The following THADA variants were observed in gnomAD, a reference collection of about 807,000 sequenced individuals.
THADA encodes THADA armadillo repeat containing, also known as tRNA (32-2'-O)-methyltransferase regulator THADA.
A neutral mutation model predicts 219.8 loss-of-function variants in THADA; 213 were observed. That is an observed-to-expected ratio of 0.97 (90% CI 0.87 to 1.09). THADA has a LOEUF of 1.09. THADA is among the 50% of genes least tolerant of loss of function. The pLI is 0.00. For missense variants in THADA, 2,956 were observed against 2,311.3 expected, an observed-to-expected ratio of 1.28 and a Z score of -5.72; for synonymous variants, 1,018 against 828.9, an observed-to-expected ratio of 1.23 and a Z score of -3.92.
At chr2:43,501,306 CCAA>C (rs1688931853) in intron 24 of THADA, among the ~76,000 whole-genome samples, 2 of 12,280 alleles carry the variant, frequency 1.6e-4, no homozygotes, top group African/African-American at 5.4e-4. Context: ...AACTCCAACT[CCAA>C]AAAAAAAAAA....
At chr2:43,557,481 C>T (rs1697515717) in intron 16 of THADA, among the ~76,000 whole-genome samples, 1 of 152,146 alleles carries the variant, frequency 6.6e-6, no homozygotes, top group Non-Finnish European at 1.5e-5. Context: ...GAGGCTGTAC[C>T]TGGTGAAACT....
intron 17 of THADA, among the ~76,000 whole-genome samples, chr2:43,555,208 T>C (rs1418739942): frequency 2.0e-5 from 3 of 151,326 alleles, no homozygotes; most frequent in African/African-American, 7.3e-5. Context: ...CTGAATAATA[T>C]ATAATAATAT....
intron 31 of THADA, among the ~76,000 whole-genome samples, chr2:43,306,508 T>A (rs2104422764): frequency 6.6e-6 from 1 of 152,286 alleles, no homozygotes; most frequent in East Asian, 1.9e-4. Context: ...ATAATGGGCT[T>A]ACCTCTGTTG....
At chr2:43,389,680 G>A (rs542741241) in intron 29 of THADA, among the ~76,000 whole-genome samples, 1 of 152,090 alleles carries the variant, frequency 6.6e-6, no homozygotes, top group Non-Finnish European at 1.5e-5. Context: ...TTTACTCACT[G>A]CCTCCTGCAA....
At chr2:43,239,819 T>A (rs1668432913) in intron 36 of THADA, among the ~76,000 whole-genome samples, 1 of 152,106 alleles carries the variant, frequency 6.6e-6, no homozygotes, top group African/African-American at 2.4e-5. Context: ...GGCCAAGGTG[T>A]TGGGTGGCCC....
chr2:43,401,870 C>T (rs1217448806), intron 28 of THADA, among the ~76,000 whole-genome samples: 1 of 151,974 alleles, frequency 6.6e-6, no homozygotes, highest in African/African-American at 2.4e-5. Context: ...AAAATATCTC[C>T]TAGCTAACAA....
chr2:43,554,857 G>C (rs751007530), intron 17 of THADA, among the ~76,000 whole-genome samples: 18 of 152,116 alleles, frequency 1.2e-4, no homozygotes, highest in Non-Finnish European at 2.4e-4. Flanking sequence ...TGAAATGCTT[G>C]GGACCATAAG....
intron 16 of THADA, among the ~76,000 whole-genome samples, chr2:43,558,421 TGTTCCTGTGTGTGTCTGTGAGG>T (rs1366852556): frequency 7.2e-5 from 11 of 152,188 alleles, no homozygotes; most frequent in Middle Eastern, 3.2e-3. Context: ...TGCAAAGTAT[TGTTCCTGTGTGTGTCTGTGAGG>T]GTGTTGCCAA....
At chr2:43,540,671 TG>T (rs771121349) in intron 21 of THADA, among the ~76,000 whole-genome samples, 40 of 152,190 alleles carry the variant, frequency 2.6e-4, no homozygotes, top group Non-Finnish European at 4.3e-4. Flanking sequence ...TCAAGTCACT[TG>T]AACAGTCCCA....
chr2:43,531,536 G>C (rs1283672419), intron 21 of THADA, among the ~76,000 whole-genome samples: 2 of 152,196 alleles, frequency 1.3e-5, no homozygotes, highest in Admixed American at 1.3e-4. Flanking sequence ...TCCATGAGCA[G>C]CTGAACAGAG....
intron 28 of THADA, 48 bp downstream of exon 28, chr2:43,428,052 T>A (rs1434658815): frequency 7.0e-7 from 1 of 1,433,944 alleles, no homozygotes; most frequent in Non-Finnish European, 9.2e-7. Flanking sequence ...AATATTCCCG[T>A]AAAACTCCCA....
intron 22 of THADA, among the ~76,000 whole-genome samples, chr2:43,519,395 C>T (rs1422847410): frequency 6.6e-6 from 1 of 152,036 alleles, no homozygotes; most frequent in Non-Finnish European, 1.5e-5. Flanking sequence ...ATTCTCAGTG[C>T]TTTAGAATGA....
intron 25 of THADA, among the ~76,000 whole-genome samples, chr2:43,494,338 C>G (rs1688006277): frequency 6.6e-6 from 1 of 152,172 alleles, no homozygotes; most frequent in African/African-American, 2.4e-5. Context: ...TTCCCTTTTT[C>G]TTTCATTCCT....
chr2:43,513,013 T>C (rs1389750333), intron 22 of THADA, among the ~76,000 whole-genome samples: 1 of 152,152 alleles, frequency 6.6e-6, no homozygotes, highest in Non-Finnish European at 1.5e-5. Flanking sequence ...GGAACACAGA[T>C]TATGGACCCG....
At chr2:43,411,160 T>C (rs976152582) in intron 28 of THADA, among the ~76,000 whole-genome samples, 1 of 152,242 alleles carries the variant, frequency 6.6e-6, no homozygotes, top group African/African-American at 2.4e-5. Context: ...TCACATGTTC[T>C]AGACAGGCTC....
chr2:43,282,548 G>A (rs1386555695), intron 35 of THADA, among the ~76,000 whole-genome samples: 1 of 152,126 alleles, frequency 6.6e-6, no homozygotes, highest in Non-Finnish European at 1.5e-5. Context: ...CTTGAGGGCT[G>A]GGCATGGAAG....
chr2:43,517,766 T>A (rs1396723308), intron 22 of THADA, among the ~76,000 whole-genome samples: 2 of 152,172 alleles, frequency 1.3e-5, no homozygotes, highest in African/African-American at 4.8e-5. Context: ...CCAAGATACC[T>A]TCTATTTTTA....
At chr2:43,566,162 C>A in intron 15 of THADA, 1 of 342,532 alleles carries the variant, frequency 2.9e-6, no homozygotes, top group Non-Finnish European at 5.3e-6. Flanking sequence ...AAAGAGGGAA[C>A]TGAAATTTGA....
rs554421372 is a variant in THADA, at chr2:43,289,905, C to T, written c.5010+1791G>A. Among the ~76,000 whole-genome samples the T allele has an allele frequency of 2.0e-4, 30 of 151,698 alleles. 1 individual carries two copies. The South Asian group carries it at 6.3e-3, about 32-fold the overall frequency. ...TGACCTCAAGGTGATCCGCCCGCCT[C>T]AGCCTCCCAAAGTGCTAGGATTACA... On this transcript the variant is annotated intron_variant, in intron 34 of 37. Coordinates refer to ENST00000405975, the MANE Select transcript of THADA (RefSeq NM_022065.5).
Sources: allele counts gnomAD v4.1 joint callset (sites outside exome capture counted in the v4.1 genomes callset), GRCh38; gene constraint gnomAD v4.1.1; transcripts MANE v1.5; gene names NCBI Gene and HGNC (gene_info 2026-07-23, HGNC 2026-07-21).